GPC5: variants seen among roughly 807,000 people sequenced by gnomAD.
GPC5 encodes glypican-5.
A neutral mutation model predicts 53.9 loss-of-function variants in GPC5; 47 were observed. That is an observed-to-expected ratio of 0.87 (90% CI 0.69 to 1.11). The LOEUF (loss-of-function observed/expected upper bound fraction) is 1.11. GPC5 is among the 50% of genes most tolerant of loss of function. The pLI is 0.00. For synonymous variants in GPC5, 286 were observed against 263.3 expected, an observed-to-expected ratio of 1.09 and a Z score of -0.84; for missense variants, 748 against 713.1, an observed-to-expected ratio of 1.05 and a Z score of -0.56.
At chr13:92,405,130 A>G (rs1875735553) in intron 7 of GPC5, among the ~76,000 whole-genome samples, 1 of 152,046 alleles carries the variant, frequency 6.6e-6, no homozygotes, top group African/African-American at 2.4e-5. Flanking sequence ...AAAACAAGAT[A>G]ATTATTTACC....
chr13:91,815,666 C>A (rs2038388377), intron 5 of GPC5, among the ~76,000 whole-genome samples: 2 of 152,174 alleles, frequency 1.3e-5, no homozygotes, highest in Non-Finnish European at 1.5e-5. Flanking sequence ...GCTCTGCCTC[C>A]CGCTGTGCCT....
intron 2 of GPC5, among the ~76,000 whole-genome samples, chr13:91,618,910 G>A (rs545119032): frequency 1.1e-4 from 17 of 152,090 alleles, no homozygotes; most frequent in South Asian, 6.2e-4. Flanking sequence ...CTGGTATATA[G>A]CAAAACAAAC....
At chr13:91,725,691 G>C (rs2036562230) in intron 3 of GPC5, among the ~76,000 whole-genome samples, 1 of 152,094 alleles carries the variant, frequency 6.6e-6, no homozygotes, top group South Asian at 2.1e-4. Context: ...GTGTTGCAAG[G>C]CTGGTATTTT....
chr13:91,599,134 G>A (rs1399879576), intron 2 of GPC5, among the ~76,000 whole-genome samples: 1 of 151,958 alleles, frequency 6.6e-6, no homozygotes, highest in Non-Finnish European at 1.5e-5. Flanking sequence ...TTCATCGCTT[G>A]ACTAGACATC....
intron 6 of GPC5, among the ~76,000 whole-genome samples, chr13:92,077,844 C>G (rs889469483): frequency 2.6e-5 from 4 of 152,142 alleles, no homozygotes; most frequent in African/African-American, 9.7e-5. Flanking sequence ...AGCTGGAAAT[C>G]TAACATCATA....
intron 7 of GPC5, among the ~76,000 whole-genome samples, chr13:92,165,661 TG>T (rs2042022182): frequency 6.6e-6 from 1 of 152,124 alleles, no homozygotes; most frequent in Admixed American, 6.5e-5. Context: ...CCCTAACACA[TG>T]GGGATTACAA....
chr13:92,482,957 C>T (rs1417752202), intron 7 of GPC5, among the ~76,000 whole-genome samples: 1 of 152,106 alleles, frequency 6.6e-6, no homozygotes, highest in African/African-American at 2.4e-5. Context: ...CTGGGGAGAC[C>T]TCACAATCAT....
chr13:91,961,382 A>C (rs2040124247), intron 6 of GPC5, among the ~76,000 whole-genome samples: 1 of 152,004 alleles, frequency 6.6e-6, no homozygotes, highest in Admixed American at 6.6e-5. Context: ...TAGAGCCCTG[A>C]CTAGACACAT....
chr13:92,559,529 T>C (rs1882624016), intron 7 of GPC5, among the ~76,000 whole-genome samples: 1 of 151,534 alleles, frequency 6.6e-6, no homozygotes, highest in Admixed American at 6.6e-5. Flanking sequence ...AATGAACCAA[T>C]CTAGAGCCAG....
At chr13:92,439,039 T>C (rs1468012634) in intron 7 of GPC5, among the ~76,000 whole-genome samples, 1 of 152,156 alleles carries the variant, frequency 6.6e-6, no homozygotes, top group Non-Finnish European at 1.5e-5. Flanking sequence ...GAAATCCATG[T>C]GACAAACCTC....
At chr13:92,444,586 A>G (rs1877714735) in intron 7 of GPC5, among the ~76,000 whole-genome samples, 1 of 152,102 alleles carries the variant, frequency 6.6e-6, no homozygotes, top group Non-Finnish European at 1.5e-5. Context: ...AATACAAACC[A>G]GACAAGCCAG....
chr13:92,827,298 TA>T (rs1216925907), intron 7 of GPC5, among the ~76,000 whole-genome samples: 4 of 152,180 alleles, frequency 2.6e-5, no homozygotes, highest in African/African-American at 9.6e-5. Context: ...ACGATTTTTT[TA>T]AAAGTATATC....
chr13:92,798,715 A>C (rs1876795101), intron 7 of GPC5, among the ~76,000 whole-genome samples: 1 of 151,844 alleles, frequency 6.6e-6, no homozygotes, highest in South Asian at 2.1e-4. Flanking sequence ...CTCCCTTTCA[A>C]ATCAGGCTGT....
chr13:91,507,485 G>A (rs1885003987), intron 2 of GPC5, among the ~76,000 whole-genome samples: 1 of 152,172 alleles, frequency 6.6e-6, no homozygotes, highest in Non-Finnish European at 1.5e-5. Flanking sequence ...AAGAGAGCTT[G>A]TGCAGAGAAA....
chr13:92,777,279 T>A (rs932177405), intron 7 of GPC5, among the ~76,000 whole-genome samples: 4 of 142,670 alleles, frequency 2.8e-5, no homozygotes, highest in African/African-American at 1.1e-4. Flanking sequence ...GAGGTTGCAG[T>A]GAGCCGAGAT....
At chr13:92,512,249 T>TGTGTGTGTGTGC (rs3064762) in intron 7 of GPC5, among the ~76,000 whole-genome samples, 1 of 149,486 alleles carries the variant, frequency 6.7e-6, no homozygotes, top group African/African-American at 2.5e-5. Context: ...TGTGTGTGTG[T>TGTGTGTGTGTGC]GCGCGCGCGC....
At chr13:92,471,464 C>T (rs1878907810) in intron 7 of GPC5, among the ~76,000 whole-genome samples, 1 of 152,010 alleles carries the variant, frequency 6.6e-6, no homozygotes, top group Admixed American at 6.6e-5. Flanking sequence ...GGTTACTTAT[C>T]TCTCCCTATT....
At chr13:91,998,752 T>C (rs1357277869) in intron 6 of GPC5, among the ~76,000 whole-genome samples, 3 of 152,234 alleles carry the variant, frequency 2.0e-5, no homozygotes, top group Non-Finnish European at 4.4e-5. Flanking sequence ...ATTTAATAAA[T>C]GGTGTCTTTG....
chr13:91,776,072 C>G (rs2138708138), intron 5 of GPC5, among the ~76,000 whole-genome samples: 1 of 152,266 alleles, frequency 6.6e-6, no homozygotes, highest in East Asian at 1.9e-4. Flanking sequence ...TGCCTCAGAC[C>G]ACCAGAAAGT....
Sources: allele counts gnomAD v4.1 joint callset (sites outside exome capture counted in the v4.1 genomes callset), GRCh38; gene constraint gnomAD v4.1.1; transcripts MANE v1.5; gene names NCBI Gene and HGNC (gene_info 2026-07-23, HGNC 2026-07-21).